The following ELL2 variants were observed in gnomAD, a reference collection of about 807,000 sequenced individuals.
ELL2 encodes elongation factor for RNA polymerase II 2.
A neutral mutation model predicts 72.8 loss-of-function variants in ELL2; 21 were observed. The ratio of observed to expected loss-of-function variants is 0.29; its 90% confidence interval spans 0.20 to 0.42. ELL2 has a LOEUF of 0.42. Among genes scored for constraint, ELL2 ranks in the 10% least tolerant of loss-of-function variants. The pLI is 1.00. For synonymous variants in ELL2, 266 were observed against 283.2 expected (o/e 0.94, Z 0.61); for missense variants, 568 against 772.8 (o/e 0.73, Z 3.14).
intron 7 of ELL2, 60 bp downstream of exon 7, chr5:95,900,633 G>A (rs1335705719): frequency 8.1e-7 from 1 of 1,230,868 alleles, no homozygotes; most frequent in Non-Finnish European, 1.1e-6. Context: ...TACATCAGAG[G>A]ACCTGATTAG....
At chr5:95,923,832 T>G (rs1312131923) in intron 2 of ELL2, among the ~76,000 whole-genome samples, 1 of 152,254 alleles carries the variant, frequency 6.6e-6, no homozygotes, top group East Asian at 1.9e-4. Context: ...TTTGTAGACT[T>G]AGTGCATCTA....
chr5:95,901,021 C>T lies in ELL2; in HGVS notation c.801G>A (p.Glu267=). Residue 267 remains glutamate, a synonymous_variant, in exon 6 of 12, where the codon GAG becomes GAA. Transcript: ENST00000237853. ...SYTLKDYVFK[E]LQRDWPGYSE... is the part of the protein sequence containing the mutation. ...TGTATCCAGGCCAGTCTCTTTGAAGCTCTTTAAAAACATAATCCTTTAAGG... is the reference window on the plus strand; with the variant it reads ...TGTATCCAGGCCAGTCTCTTTGAAGTTCTTTAAAAACATAATCCTTTAAGG... 1 of 1,613,822 alleles carries T rather than the reference C, an allele frequency of 6.2e-7. No individual in the cohort carries two copies. The highest frequency in any genetic ancestry group is 1.3e-5 in the African/African-American group (1 of 75,022).
At chr5:95,919,213 A>C (rs1749951305) in intron 3 of ELL2, among the ~76,000 whole-genome samples, 1 of 152,162 alleles carries the variant, frequency 6.6e-6, no homozygotes, top group African/African-American at 2.4e-5. Flanking sequence ...ATTAGACCAA[A>C]AATCTTTGAA....
intron 2 of ELL2, among the ~76,000 whole-genome samples, chr5:95,927,646 TAGACATACACACACAC>T (rs1750405598): frequency 2.0e-5 from 1 of 50,212 alleles, no homozygotes; most frequent in Non-Finnish European, 3.4e-5. Flanking sequence ...CGTGTGTATA[TAGACATACACACACAC>T]GTGTGTATAT....
chr5:95,892,280 G>C (rs1323799096), intron 9 of ELL2, among the ~76,000 whole-genome samples: 1 of 151,966 alleles, frequency 6.6e-6, no homozygotes, highest in Non-Finnish European at 1.5e-5. Context: ...CTGAGTAGCT[G>C]AGATTACAGG....
intron 4 of ELL2, among the ~76,000 whole-genome samples, chr5:95,911,376 T>C (rs1360342205): frequency 6.6e-6 from 1 of 151,332 alleles, no homozygotes; most frequent in Non-Finnish European, 1.5e-5. Flanking sequence ...TCTCGCTCTG[T>C]CTCCAAGTTG....
chr5:95,949,541 A>G (rs1751296354), intron 1 of ELL2, among the ~76,000 whole-genome samples: 1 of 152,114 alleles, frequency 6.6e-6, no homozygotes. Flanking sequence ...TTTTGAACCC[A>G]TCATGGAACT....
At chr5:95,955,574 C>T (rs1213771569) in intron 1 of ELL2, among the ~76,000 whole-genome samples, 1 of 152,170 alleles carries the variant, frequency 6.6e-6, no homozygotes, top group Non-Finnish European at 1.5e-5. Flanking sequence ...TCGCTGGTAA[C>T]CTGACCCGAG....
At chr5:95,899,218 C>T (rs563893011) in intron 7 of ELL2, among the ~76,000 whole-genome samples, 6 of 152,140 alleles carry the variant, frequency 3.9e-5, no homozygotes, top group Non-Finnish European at 7.4e-5. Context: ...CTGTGGTTGA[C>T]CTAGTTATAT....
At position 95,935,065 on chromosome 5, in the gene ELL2, C is replaced by T. The variant is rs181642702; in HGVS notation, c.195+7937G>A. Among the ~76,000 whole-genome samples, 1,295 of 152,222 alleles carry T rather than the reference C, an allele frequency of 8.5e-3. 17 individuals carry two copies. Among genetic ancestry groups the T allele is most frequent in the African/African-American group, 0.03 (1,249 of 41,540 alleles). On this transcript the variant is annotated intron_variant, in intron 2 of 11. Coordinates refer to ENST00000237853, the MANE Select transcript of ELL2 (RefSeq NM_012081.6). ...GAGCAATAACACATCCATCCATACT[C>T]CTCTCCTTTTCCCTCTGCCTGCCTT... is the stretch of plus-strand genomic sequence containing the variant.
In ELL2 at chr5:95,886,315, T is replaced by C. The variant is rs1428612081; in HGVS notation, c.*2556A>G. ...GGATAGTAGCAGATTCAGAGATTTA[T>C]AATTTTCAAATTTACAACTAATAGA... On this transcript the variant is annotated 3_prime_UTR_variant, in exon 12 of 12. Coordinates refer to ENST00000237853, the MANE Select transcript of ELL2 (RefSeq NM_012081.6). 4.6e-5 allele frequency: 7 copies of C among 152,220 alleles called. No homozygotes were observed. The highest frequency in any genetic ancestry group is 3.9e-4 in the Admixed American group (6 of 15,282). The allele number at this position is 152,220 out of a possible 1,614,324, so 9.4% of individuals were successfully genotyped here.
In ELL2 at chr5:95,907,302, T is replaced by C. The variant is rs918194875; in HGVS notation, c.482-520A>G. Among the ~76,000 whole-genome samples the C allele has an allele frequency of 4.4e-5, 6 of 136,296 alleles. No individual in the cohort carries two copies. In the Admixed American group the frequency reaches 4.6e-4, roughly 10 times the overall value. 89.4% of individuals were successfully genotyped at this position (136,296 alleles called of 152,430 possible). On this transcript the variant is annotated intron_variant, in intron 4 of 11. Transcript: ENST00000237853. Reference sequence around the variant, plus strand: ...GATATATATATATATATATATTTTTTTTTTTTACAGGCCAAGACAAATTTT... The same window carrying C: ...GATATATATATATATATATATTTTTCTTTTTTACAGGCCAAGACAAATTTT...
chr5:95,893,808 C>A (rs1483699522), intron 9 of ELL2, among the ~76,000 whole-genome samples: 1 of 152,148 alleles, frequency 6.6e-6, no homozygotes, highest in East Asian at 1.9e-4. Flanking sequence ...TTTGCTATAT[C>A]TATGTAAGAC....
At chr5:95,958,099 G>A (rs1751684320) in intron 1 of ELL2, among the ~76,000 whole-genome samples, 1 of 152,152 alleles carries the variant, frequency 6.6e-6, no homozygotes, top group South Asian at 2.1e-4. Flanking sequence ...CTGCTTAGAG[G>A]CTACCTGCCA....
At position 95,919,408 on chromosome 5, in the gene ELL2, C is replaced by A; in HGVS notation, c.317+16G>T. On this transcript the variant is annotated intron_variant, in intron 3 of 11. Coordinates refer to ENST00000237853, the MANE Select transcript of ELL2 (RefSeq NM_012081.6). ...AAAAAATTTTTCCCCTTCAGTGTAC[C>A]TTGAAAAGTACTTACCTGGAGAATG... 6.4e-7 allele frequency: 1 copy of A among 1,574,526 alleles called. No individual in the cohort carries two copies. Among genetic ancestry groups the A allele is most frequent in the Non-Finnish European group, 8.6e-7 (1 of 1,168,368 alleles).
At chr5:95,913,574 A>G in intron 4 of ELL2, 197 bp downstream of exon 4, 1 of 500,028 alleles carries the variant, frequency 2.0e-6, no homozygotes, top group Non-Finnish European at 3.3e-6. Flanking sequence ...GGAAAGTCAT[A>G]GAACTTTAAA....
intron 1 of ELL2, among the ~76,000 whole-genome samples, chr5:95,955,763 T>G (rs1050339637): frequency 2.0e-5 from 3 of 152,158 alleles, no homozygotes; most frequent in Non-Finnish European, 4.4e-5. Context: ...TTGTAAGACT[T>G]AGTTCATCTT....
intron 2 of ELL2, among the ~76,000 whole-genome samples, chr5:95,926,154 C>A (rs1750273216): frequency 6.6e-6 from 1 of 150,640 alleles, no homozygotes; most frequent in South Asian, 2.1e-4. Context: ...ACTTTAGGCC[C>A]AAACATTATG....
chr5:95,958,100 C>T (rs1751684422), intron 1 of ELL2, among the ~76,000 whole-genome samples: 1 of 152,150 alleles, frequency 6.6e-6, no homozygotes, highest in South Asian at 2.1e-4. Flanking sequence ...TGCTTAGAGG[C>T]TACCTGCCAT....
Sources: allele counts gnomAD v4.1 joint callset (sites outside exome capture counted in the v4.1 genomes callset), GRCh38; gene constraint gnomAD v4.1.1; transcripts MANE v1.5; gene names NCBI Gene and HGNC (gene_info 2026-07-23, HGNC 2026-07-21).